RORA: variants seen among roughly 807,000 people sequenced by gnomAD.
RORA encodes the protein RAR related orphan receptor A.
A neutral mutation model predicts 69.5 loss-of-function variants in RORA; 7 were observed. The observed-to-expected ratio is 0.10, with a 90% CI of 0.06 to 0.19. The LOEUF is 0.19. RORA is among the 10% of genes least tolerant of loss of function. RORA has a pLI of 1.00. For missense variants in RORA, 457 were observed against 663.0 expected (o/e 0.69, Z 3.41); for synonymous variants, 261 against 240.8 (o/e 1.08, Z -0.78).
At chr15:60,655,204 TCTCA>T (rs1453355408) in intron 2 of RORA, among the ~76,000 whole-genome samples, 1 of 152,084 alleles carries the variant, frequency 6.6e-6, no homozygotes, top group Non-Finnish European at 1.5e-5. Context: ...TGAGACAGAG[TCTCA>T]CTCTGTCGCC....
At chr15:60,975,649 C>T (rs1327202387) in intron 1 of RORA, among the ~76,000 whole-genome samples, 2 of 152,276 alleles carry the variant, frequency 1.3e-5, no homozygotes, top group East Asian at 3.9e-4. Context: ...ATTTCTGGGG[C>T]CCTCCACTTC....
chr15:61,052,945 G>C (rs1304813602), intron 1 of RORA, among the ~76,000 whole-genome samples: 1 of 152,216 alleles, frequency 6.6e-6, no homozygotes, highest in African/African-American at 2.4e-5. Flanking sequence ...CTAATTCACT[G>C]AAAGTGCTTT....
chr15:60,788,765 A>T (rs902626689), intron 1 of RORA, among the ~76,000 whole-genome samples: 1 of 152,142 alleles, frequency 6.6e-6, no homozygotes, highest in Non-Finnish European at 1.5e-5. Context: ...CCCACGGCCC[A>T]TCCAAACCTG....
At chr15:60,695,764 T>G (rs1199595261) in intron 1 of RORA, among the ~76,000 whole-genome samples, 1 of 152,092 alleles carries the variant, frequency 6.6e-6, no homozygotes, top group African/African-American at 2.4e-5. Context: ...TTCCTGTGGC[T>G]TACTGAAGGG....
Position 60,678,686 on chromosome 15 carries a change from C to T in RORA, c.167G>A (p.Gly56Asp), listed in dbSNP as rs2070591531. Residue 56 changes from glycine (G) to aspartate (D), a missense_variant and splice_region_variant, in exon 2 of 11, where the codon GGT becomes GAT. Around this residue, in one of 3 missense-constraint regions of RORA, gnomAD observed 119 missense variants for 92.4 expected, o/e 1.29. Transcript: ENST00000335670. The part of the protein sequence containing the change: ...RRQSYSSTSR[G>D]ISVTKKTHTS... ...ATGTGTCTTCTTCGTTACTGAGATACCTGGAAGAGAAGAAACAATAACATA... is the reference window on the plus strand; with the variant it reads ...ATGTGTCTTCTTCGTTACTGAGATATCTGGAAGAGAAGAAACAATAACATA... 6.2e-7 allele frequency: 1 copy of T among 1,611,710 alleles called. No homozygotes were observed. The highest frequency in any genetic ancestry group is 1.3e-5 in the African/African-American group (1 of 74,844).
At chr15:61,043,047 A>G (rs1374459679) in intron 1 of RORA, among the ~76,000 whole-genome samples, 1 of 152,206 alleles carries the variant, frequency 6.6e-6, no homozygotes, top group Admixed American at 6.5e-5. Context: ...GGCGATGACA[A>G]TGGCGATGAT....
Position 60,496,079 on chromosome 15 carries a change from G to A in RORA, c.*1376C>T, listed in dbSNP as rs2065160403. 1 of 152,142 alleles carries A rather than the reference G, an allele frequency of 6.6e-6. No individual in the cohort carries two copies. Among genetic ancestry groups the A allele is most frequent in the Admixed American group, 6.5e-5 (1 of 15,272 alleles). The allele number at this position is 152,142 out of a possible 1,614,324, so 9.4% of individuals were successfully genotyped here. On this transcript the variant is annotated 3_prime_UTR_variant, in exon 11 of 11. Transcript: ENST00000335670. The surrounding 1 kb of genome is among the most constrained non-coding windows in gnomAD (Gnocchi z 4.5). ...AAGAGAAACTGGTTCAACATTGTAT[G>A]CTTCCCTCACCCTCCTATCCATCGT...
intron 3 of RORA, among the ~76,000 whole-genome samples, chr15:60,524,047 T>A (rs2066265579): frequency 6.6e-6 from 1 of 152,180 alleles, no homozygotes; most frequent in Non-Finnish European, 1.5e-5. Context: ...ACAGGCATCA[T>A]CTTTCCCTCA....
In RORA at chr15:60,821,164, T is replaced by A. The variant is rs909826232; in HGVS notation, c.167-142478A>T. On this transcript the variant is annotated intron_variant, in intron 1 of 10. Transcript: ENST00000335670. ...AGGGCCAGTTAGGCTGTACAAGGGATCCATCTTCCACTGGAGATGCCTCCA... is the reference window on the plus strand; with the variant it reads ...AGGGCCAGTTAGGCTGTACAAGGGAACCATCTTCCACTGGAGATGCCTCCA... Among the ~76,000 whole-genome samples, 13 of 152,300 alleles carry A rather than the reference T, an allele frequency of 8.5e-5. No homozygotes were observed. In the East Asian group the frequency reaches 2.5e-3, roughly 29 times the overall value.
rs113325228 is a variant in RORA, at chr15:61,006,000, C to A, written c.166+223053G>T. 4.6e-3 allele frequency among the ~76,000 whole-genome samples: 705 copies of A among 152,108 alleles called. 6 individuals are homozygous for A. Among genetic ancestry groups the A allele is most frequent in the African/African-American group, 0.016 (665 of 41,490 alleles). ...TTTTGTTTTTTTTGAGAAGGAGTCT[C>A]GCTCTGTCACCAGGCTGGAGTGCAG... On this transcript the variant is annotated intron_variant, in intron 1 of 10. Coordinates refer to ENST00000335670, the MANE Select transcript of RORA (RefSeq NM_134261.3).
intron 1 of RORA, among the ~76,000 whole-genome samples, chr15:61,208,015 C>T (rs2079957292): frequency 6.6e-6 from 1 of 152,172 alleles, no homozygotes; most frequent in African/African-American, 2.4e-5. Flanking sequence ...GGGTTTAAAA[C>T]ACAAAGCTCC....
chr15:61,050,073 C>A (rs941247601), intron 1 of RORA, among the ~76,000 whole-genome samples: 2 of 152,142 alleles, frequency 1.3e-5, no homozygotes, highest in Admixed American at 6.5e-5. Flanking sequence ...ACCACAGAAC[C>A]CATTTCCCTG....
At chr15:60,715,965 C>T (rs1434509188) in intron 1 of RORA, among the ~76,000 whole-genome samples, 1 of 152,198 alleles carries the variant, frequency 6.6e-6, no homozygotes, top group African/African-American at 2.4e-5. Context: ...CACAAATGAT[C>T]TTACGCTACA....
At chr15:60,820,478 T>C (rs576268144) in intron 1 of RORA, among the ~76,000 whole-genome samples, 2 of 152,178 alleles carry the variant, frequency 1.3e-5, no homozygotes, top group Admixed American at 6.5e-5. Flanking sequence ...ATGTAAAACA[T>C]AGGAAAAGGG....
rs1596043044 is a variant in RORA, at chr15:61,169,713, T to C, written c.166+59340A>G. ...CAGTTGATTGATTTGCATTGGATGC[T>C]GAAGCCACTTCCTGTTTTTCCTTCA... is the stretch of plus-strand genomic sequence containing the variant. On this transcript the variant is annotated intron_variant, in intron 1 of 10. Coordinates refer to ENST00000335670, the MANE Select transcript of RORA (RefSeq NM_134261.3). 1.3e-5 allele frequency among the ~76,000 whole-genome samples: 2 copies of C among 151,840 alleles called. 1 individual carries two copies. Among genetic ancestry groups the C allele is most frequent in the South Asian group, 4.2e-4 (2 of 4,806 alleles).
At chr15:60,779,071 T>C (rs2072215743) in intron 1 of RORA, among the ~76,000 whole-genome samples, 1 of 152,222 alleles carries the variant, frequency 6.6e-6, no homozygotes, top group Non-Finnish European at 1.5e-5. Flanking sequence ...TCCCATTTTA[T>C]AGACGAGAAT....
intron 1 of RORA, among the ~76,000 whole-genome samples, chr15:61,134,172 C>T (rs1049657710): frequency 6.6e-6 from 1 of 152,140 alleles, no homozygotes; most frequent in Non-Finnish European, 1.5e-5. Flanking sequence ...CTTTATGTCC[C>T]TCCCTCAGAG....
At chr15:60,917,256 C>T (rs1415675870) in intron 1 of RORA, among the ~76,000 whole-genome samples, 1 of 152,208 alleles carries the variant, frequency 6.6e-6, no homozygotes, top group Non-Finnish European at 1.5e-5. Flanking sequence ...CCTTTTTCCT[C>T]CCATCTGGTT....
At chr15:60,883,155 AGAGAG>A (rs1567224657) in intron 1 of RORA, among the ~76,000 whole-genome samples, 1 of 87,094 alleles carries the variant, frequency 1.1e-5, no homozygotes, top group Non-Finnish European at 2.3e-5. Context: ...AAAAAAAGAA[AGAGAG>A]AGAGAGAGAG....
Sources: gnomAD v4.1 joint callset for allele counts (sites outside exome capture counted in the v4.1 genomes callset) on GRCh38, gnomAD v4.1.1 for gene constraint, gnomAD v4.1.1 regional missense constraint, Gnocchi (gnomAD v3.1) non-coding constraint, MANE v1.5 for transcripts, NCBI Gene and HGNC (gene_info 2026-07-23, HGNC 2026-07-21) for gene names.